The following RALGAPA1 variants were observed in gnomAD, a reference collection of about 807,000 sequenced individuals.
The protein encoded by RALGAPA1 is Ral GTPase activating protein catalytic subunit alpha 1.
Under a neutral mutation model 269.6 loss-of-function variants are expected in RALGAPA1, and 52 were observed. That is an observed-to-expected ratio of 0.19 (90% CI 0.15 to 0.24). The LOEUF (loss-of-function observed/expected upper bound fraction) is 0.24. RALGAPA1 is among the 10% of genes least tolerant of loss of function. RALGAPA1 has a pLI of 1.00. For synonymous variants in RALGAPA1, 817 were observed against 1,008.3 expected, an observed-to-expected ratio of 0.81 and a Z score of 3.60; for missense variants, 1,917 against 3,013.9, an observed-to-expected ratio of 0.64 and a Z score of 8.52.
intron 28 of RALGAPA1, 56 bp from the exon 29 acceptor site, chr14:35,655,971 T>C (rs980166169): frequency 3.7e-6 from 6 of 1,608,294 alleles, no homozygotes; most frequent in South Asian, 1.1e-5. Flanking sequence ...ACCACAAACA[T>C]GACCCACAAT....
chr14:35,808,048 T>C (rs2077497620), intron 1 of RALGAPA1, among the ~76,000 whole-genome samples: 2 of 152,164 alleles, frequency 1.3e-5, no homozygotes. Context: ...TCGATTAACA[T>C]TATATTCAAA....
Position 35,689,250 on chromosome 14 carries a change from G to A in RALGAPA1, c.3161C>T (p.Pro1054Leu), listed in dbSNP as rs2066265792. Residue 1054 changes from proline to leucine, a missense_variant, in exon 18 of 42, where the codon CCT becomes CTT. Physicochemically the swap from Pro to Leu is moderately conservative, Grantham distance 98. This residue lies in a region of RALGAPA1 where 615 missense variants were observed against 790.0 expected (regional missense o/e 0.78). Coordinates refer to ENST00000680220, the MANE Select transcript of RALGAPA1 (RefSeq NM_001346249.2). The part of the protein sequence containing the change: ...KQPSEPSLDS[P>L]CDKEKRKHLY... ...ATGTTTCCTTTTTTCTTTATCACAA[G>A]GGCTATCTAAACTAGGCTCTGATGG... The A allele has an allele frequency of 2.4e-6, 3 of 1,232,116 alleles. No individual in the cohort carries two copies. Among genetic ancestry groups the A allele is most frequent in the South Asian group, 4.1e-5 (1 of 24,330 alleles). The allele number at this position is 1,232,116 out of a possible 1,614,324, so 76.3% of individuals were successfully genotyped here. A position where few individuals can be genotyped will look rare whatever the true frequency, so the allele number is the denominator to read the frequency against.
chr14:35,599,033 A>G (rs1420279435), intron 36 of RALGAPA1, among the ~76,000 whole-genome samples: 2 of 152,196 alleles, frequency 1.3e-5, no homozygotes. Flanking sequence ...CATTATATAT[A>G]CATAACTTAT....
chr14:35,596,872 G>C (rs17103417), intron 36 of RALGAPA1, among the ~76,000 whole-genome samples: 6,226 of 152,086 alleles, frequency 0.041, 361 homozygotes, highest in African/African-American at 0.12. Context: ...TTATATGTTT[G>C]TATGCACACA....
In RALGAPA1 at chr14:35,645,346, G is replaced by GGTGTGTGTGTGTGTGTGTGT. The variant is rs58039867; in HGVS notation, c.5676+6439_5676+6458dup. Among the ~76,000 whole-genome samples, 523 of 129,496 alleles carry GGTGTGTGTGTGTGTGTGTGT rather than the reference G, an allele frequency of 4.0e-3. 3 individuals are homozygous for GGTGTGTGTGTGTGTGTGTGT. The highest frequency in any genetic ancestry group is 7.3e-3 in the African/African-American group (241 of 33,098). 85.0% of individuals were successfully genotyped at this position (129,496 alleles called of 152,430 possible). On this transcript the variant is annotated intron_variant, in intron 31 of 41. Coordinates refer to ENST00000680220, the MANE Select transcript of RALGAPA1 (RefSeq NM_001346249.2). The stretch of plus-strand genomic sequence containing the variant: ...TCAGTCTATAGCAGATATAGAGATG[G>GGTGTGTGTGTGTGTGTGTGT]GTGTGTGTGTGTGTGTGTGTGTGTG...
intron 17 of RALGAPA1, among the ~76,000 whole-genome samples, chr14:35,693,272 C>T (rs1208069500): frequency 6.6e-6 from 1 of 151,540 alleles, no homozygotes; most frequent in Non-Finnish European, 1.5e-5. Context: ...AGTGATTTAT[C>T]TCTATAAAGA....
intron 36 of RALGAPA1, among the ~76,000 whole-genome samples, chr14:35,604,768 G>A (rs2139183901): frequency 6.6e-6 from 1 of 152,122 alleles, no homozygotes; most frequent in South Asian, 2.1e-4. Flanking sequence ...AAATCTTGGA[G>A]CTACAGATTT....
At chr14:35,657,735 A>C (rs1378354604) in intron 28 of RALGAPA1, among the ~76,000 whole-genome samples, 1 of 150,982 alleles carries the variant, frequency 6.6e-6, no homozygotes, top group Non-Finnish European at 1.5e-5. Context: ...CTACAGTCTT[A>C]AGCACTAAGG....
intron 19 of RALGAPA1, 80 bp from the exon 20 acceptor site, chr14:35,685,225 C>T: frequency 8.0e-7 from 1 of 1,249,362 alleles, no homozygotes; most frequent in African/African-American, 1.5e-5. Context: ...ATTTCCAAAC[C>T]ATCACAATAA....
intron 31 of RALGAPA1, among the ~76,000 whole-genome samples, chr14:35,639,804 T>C (rs1285227595): frequency 1.3e-5 from 2 of 151,928 alleles, no homozygotes; most frequent in African/African-American, 4.8e-5. Flanking sequence ...TCGGGCGTGG[T>C]GGCGGGCACC....
chr14:35,694,549 A>C (rs1225550934), intron 17 of RALGAPA1, among the ~76,000 whole-genome samples: 1 of 152,160 alleles, frequency 6.6e-6, no homozygotes, highest in Non-Finnish European at 1.5e-5. Flanking sequence ...AATCATATGA[A>C]AAGACTTAAA....
At chr14:35,763,950 T>C (rs1376597682) in intron 4 of RALGAPA1, among the ~76,000 whole-genome samples, 1 of 152,202 alleles carries the variant, frequency 6.6e-6, no homozygotes, top group East Asian at 1.9e-4. Context: ...ACAGATGCTC[T>C]AATATTTGAT....
At chr14:35,774,222 G>A (rs959565253) in intron 3 of RALGAPA1, among the ~76,000 whole-genome samples, 1 of 152,104 alleles carries the variant, frequency 6.6e-6, no homozygotes, top group African/African-American at 2.4e-5. Context: ...AGCCAAGAGT[G>A]AATTATCTTT....
intron 16 of RALGAPA1, among the ~76,000 whole-genome samples, chr14:35,702,033 G>A (rs1052076342): frequency 6.6e-6 from 1 of 152,086 alleles, no homozygotes; most frequent in Non-Finnish European, 1.5e-5. Context: ...TCCCACTTTT[G>A]CAAAACTTAC....
chr14:35,549,210 C>A lies in RALGAPA1; in HGVS notation c.7521G>T (p.Leu2507=). The change falls in exon 40 of 42, where the codon CTG becomes CTT. Residue 2507 remains leucine (L), a synonymous_variant. Transcript: ENST00000680220. ...QNFYEERARY[L]QTIVQHHLEP... Reference sequence around the variant, plus strand: ...CTAAGTGGTGCTGGACAATTGTTTGCAGGTATCGTGCTCTCTCCTCATAGC... The same window carrying A: ...CTAAGTGGTGCTGGACAATTGTTTGAAGGTATCGTGCTCTCTCCTCATAGC... The A allele has an allele frequency of 1.2e-6, 2 of 1,612,582 alleles. No homozygotes were observed. Among genetic ancestry groups the A allele is most frequent in the Non-Finnish European group, 1.7e-6 (2 of 1,179,092 alleles).
intron 34 of RALGAPA1, among the ~76,000 whole-genome samples, chr14:35,626,762 C>T (rs753932764): frequency 6.6e-6 from 1 of 151,770 alleles, no homozygotes; most frequent in Non-Finnish European, 1.5e-5. Flanking sequence ...GAGTTAATTT[C>T]CCTGATTCAA....
At chr14:35,554,614 G>C (rs181756397) in intron 39 of RALGAPA1, among the ~76,000 whole-genome samples, 186 of 152,036 alleles carry the variant, frequency 1.2e-3, no homozygotes, top group African/African-American at 4.4e-3. Context: ...CCAAAGTGCT[G>C]GGATTACAGG....
chr14:35,730,172 C>T (rs1160915175), intron 12 of RALGAPA1, among the ~76,000 whole-genome samples: 1 of 152,062 alleles, frequency 6.6e-6, no homozygotes, highest in African/African-American at 2.4e-5. Context: ...TTACCTGGAG[C>T]GGAGTAAATT....
intron 1 of RALGAPA1, among the ~76,000 whole-genome samples, chr14:35,781,960 C>T (rs2075464730): frequency 6.6e-6 from 1 of 152,080 alleles, no homozygotes; most frequent in South Asian, 2.1e-4. Flanking sequence ...TAATATTATA[C>T]TGTAAATTCT....
Sources: gnomAD v4.1 joint callset for allele counts (sites outside exome capture counted in the v4.1 genomes callset) on GRCh38, gnomAD v4.1.1 for gene constraint, gnomAD v4.1.1 regional missense constraint, MANE v1.5 for transcripts, NCBI Gene and HGNC (gene_info 2026-07-23, HGNC 2026-07-21) for gene names.